Variants in SLC39A11 observed in about 807,000 individuals in gnomAD.
SLC39A11 encodes zinc transporter ZIP11.
SLC39A11 carries 33 observed loss-of-function variants against 36.1 expected under a neutral mutation model. The ratio of observed to expected loss-of-function variants is 0.91; its 90% CI spans 0.69 to 1.22. The LOEUF is 1.22. Ranked by LOEUF, SLC39A11 falls within the 50% of genes most tolerant of loss-of-function variation. The probability of loss-of-function intolerance (pLI) is 0.00; values close to 1 mark genes in which losing one functional copy is unlikely to be tolerated. For missense variants in SLC39A11, 432 were observed against 430.3 expected (o/e 1.00, Z -0.03); for synonymous variants, 166 against 170.3 (o/e 0.97, Z 0.20).
intron 6 of SLC39A11, among the ~76,000 whole-genome samples, chr17:72,771,105 C>A (rs1293392786): frequency 6.6e-6 from 1 of 151,334 alleles, no homozygotes; most frequent in Admixed American, 6.6e-5. Context: ...AAAATCCTGG[C>A]CAGGTGCAGC....
chr17:72,958,020 A>G (rs1019117514), intron 4 of SLC39A11, among the ~76,000 whole-genome samples: 1 of 152,230 alleles, frequency 6.6e-6, no homozygotes, highest in Admixed American at 6.5e-5. Flanking sequence ...AAATAGACAC[A>G]TAGACCGATG....
intron 4 of SLC39A11, among the ~76,000 whole-genome samples, chr17:72,963,137 C>G (rs1250077184): frequency 1.3e-5 from 2 of 151,268 alleles, no homozygotes; most frequent in African/African-American, 4.9e-5. Context: ...CTAGGGCACA[C>G]ACACCATGGG....
rs547221488 is a variant in SLC39A11 at position 72,747,348 on chromosome 17, T to C, written c.602-10629A>G. Among the ~76,000 whole-genome samples the C allele has an allele frequency of 1.1e-3, 173 of 152,270 alleles. 2 individuals are homozygous for C. Among genetic ancestry groups the C allele is most frequent in the Middle Eastern group, 6.8e-3 (2 of 292 alleles). ...GTATTTTTAGTAGAGGCGGGGTTTT[T>C]GCCATGTTGGCCAGGCTGGTCTTGA... On this transcript the variant is annotated intron_variant, in intron 6 of 9. Transcript: ENST00000255559.
intron 5 of SLC39A11, among the ~76,000 whole-genome samples, chr17:72,915,253 C>T (rs62069579): frequency 0.14 from 22,029 of 152,102 alleles, 1,928 homozygotes; most frequent in Non-Finnish European, 0.2. Flanking sequence ...ATGCTCACAC[C>T]GGGACACTAT....
Position 72,720,790 on chromosome 17 carries a change from A to C in SLC39A11, c.671+15860T>G, listed in dbSNP as rs2567507. 4.5e-4 allele frequency among the ~76,000 whole-genome samples: 69 copies of C among 152,246 alleles called. No individual in the cohort carries two copies. The East Asian group carries it at 0.012, about 26-fold the overall frequency. On this transcript the variant is annotated intron_variant, in intron 7 of 9. Transcript: ENST00000255559. Reference sequence around the variant, plus strand: ...ATAAGAAAAGCAACGCATCAAGGTCATAGACCCAGTTGATGAAAGAGCCAG... The same window carrying C: ...ATAAGAAAAGCAACGCATCAAGGTCCTAGACCCAGTTGATGAAAGAGCCAG...
chr17:72,890,490 T>C (rs1166804575), intron 5 of SLC39A11, among the ~76,000 whole-genome samples: 2 of 152,142 alleles, frequency 1.3e-5, no homozygotes. Context: ...ATGCTGAGGT[T>C]CCTGGCTTGA....
chr17:73,067,642 G>C (rs1383054914), intron 3 of SLC39A11, among the ~76,000 whole-genome samples: 2 of 152,080 alleles, frequency 1.3e-5, no homozygotes, highest in East Asian at 3.9e-4. Flanking sequence ...CAGGAGCAAT[G>C]GGGGTACTAT....
At chr17:72,778,050 G>C (rs1022732419) in intron 6 of SLC39A11, among the ~76,000 whole-genome samples, 1 of 152,106 alleles carries the variant, frequency 6.6e-6, no homozygotes, top group Non-Finnish European at 1.5e-5. Context: ...GATTACAGGT[G>C]CCTGCCACCA....
At chr17:72,778,686 G>T (rs922470415) in intron 6 of SLC39A11, among the ~76,000 whole-genome samples, 2 of 152,190 alleles carry the variant, frequency 1.3e-5, no homozygotes, top group African/African-American at 4.8e-5. Context: ...CGTCTCTATG[G>T]ATGACATATG....
chr17:72,746,059 A>G (rs927332637), intron 6 of SLC39A11, among the ~76,000 whole-genome samples: 31 of 152,314 alleles, frequency 2.0e-4, no homozygotes, highest in Non-Finnish European at 4.0e-4. Context: ...GCTTTGAAAC[A>G]TATGATAAAG....
chr17:73,079,386 C>T (rs1237928365), intron 3 of SLC39A11, among the ~76,000 whole-genome samples: 2 of 152,094 alleles, frequency 1.3e-5, no homozygotes, highest in Admixed American at 6.6e-5. Flanking sequence ...CATAAGCCAC[C>T]GCACCCAGCC....
At chr17:72,959,254 A>G (rs1408572679) in intron 4 of SLC39A11, among the ~76,000 whole-genome samples, 1 of 150,048 alleles carries the variant, frequency 6.7e-6, no homozygotes, top group Non-Finnish European at 1.5e-5. Context: ...CTGCAAAATC[A>G]TGGAATCAAC....
intron 6 of SLC39A11, among the ~76,000 whole-genome samples, chr17:72,790,447 G>A (rs2076662936): frequency 1.3e-5 from 2 of 152,104 alleles, no homozygotes; most frequent in Non-Finnish European, 2.9e-5. Flanking sequence ...TTCACACCAT[G>A]GACAGACCTG....
At chr17:73,088,993 A>C (rs2060836239) in intron 1 of SLC39A11, among the ~76,000 whole-genome samples, 1 of 152,228 alleles carries the variant, frequency 6.6e-6, no homozygotes, top group Admixed American at 6.5e-5. Context: ...TTAATCTGAA[A>C]GAAGGCACAG....
chr17:72,691,575 T>C (rs1598357221), intron 7 of SLC39A11, among the ~76,000 whole-genome samples: 1 of 152,164 alleles, frequency 6.6e-6, no homozygotes, highest in South Asian at 2.1e-4. Context: ...GATCAAAAGG[T>C]ATTTTCAATG....
intron 7 of SLC39A11, among the ~76,000 whole-genome samples, chr17:72,699,122 C>A (rs969211509): frequency 6.6e-6 from 1 of 152,126 alleles, no homozygotes; most frequent in Non-Finnish European, 1.5e-5. Flanking sequence ...AGCCACAGCG[C>A]CTGGCCGGAG....
chr17:72,782,573 C>G (rs34350822), intron 6 of SLC39A11, among the ~76,000 whole-genome samples: 11,035 of 151,070 alleles, frequency 0.073, 429 homozygotes, highest in African/African-American at 0.087. Flanking sequence ...GTTATAATCC[C>G]GGTTACTTGG....
intron 6 of SLC39A11, among the ~76,000 whole-genome samples, chr17:72,742,854 C>T (rs940294779): frequency 7.2e-5 from 11 of 152,170 alleles, no homozygotes; most frequent in Admixed American, 1.3e-4. Flanking sequence ...CATTGAGTGG[C>T]AGGGCTCAAG....
chr17:72,646,609 A>G lies in SLC39A11; in HGVS notation c.*975T>C, dbSNP rs1288016175. On this transcript the variant is annotated 3_prime_UTR_variant, in exon 10 of 10. Coordinates refer to ENST00000255559, the MANE Select transcript of SLC39A11 (RefSeq NM_139177.4). ...AAGAGTTTTTGTCAGATTATAAGTT[A>G]CCAAATGGTCAACAGGGAAGGACCC... 1.3e-5 allele frequency: 2 copies of G among 152,526 alleles called. No homozygotes were observed. The highest frequency in any genetic ancestry group is 4.8e-5 in the African/African-American group (2 of 41,406). 9.4% of individuals were successfully genotyped at this position (152,526 alleles called of 1,614,324 possible). A position where few individuals can be genotyped will look rare whatever the true frequency, so the allele number is the denominator to read the frequency against.
Sources: gnomAD v4.1 joint callset for allele counts (sites outside exome capture counted in the v4.1 genomes callset) on GRCh38, gnomAD v4.1.1 for gene constraint, MANE v1.5 for transcripts, NCBI Gene and HGNC (gene_info 2026-07-23, HGNC 2026-07-21) for gene names.